Variants in AOC1 observed in about 807,000 individuals in gnomAD.
The protein encoded by AOC1 is amine oxidase copper containing 1.
Under a neutral mutation model 57.1 loss-of-function variants are expected in AOC1, and 58 were observed. That is an observed-to-expected ratio of 1.02 (90% CI 0.82 to 1.26). The LOEUF (loss-of-function observed/expected upper bound fraction) is 1.26. Ranked by LOEUF, AOC1 falls within the 50% of genes most tolerant of loss-of-function variation. The pLI, the probability that AOC1 is intolerant of heterozygous loss-of-function variation, is 0.00. For missense variants in AOC1, 917 were observed against 1,005.3 expected, an observed-to-expected ratio of 0.91 and a Z score of 1.19; for synonymous variants, 401 against 423.4, an observed-to-expected ratio of 0.95 and a Z score of 0.65.
chr7:150,859,300 C>T (rs761876227), intron 3 of AOC1, among the ~76,000 whole-genome samples: 12 of 152,118 alleles, frequency 7.9e-5, no homozygotes, highest in African/African-American at 1.9e-4. Context: ...TACTGTTAAC[C>T]GGAAGCCTTA....
In AOC1 at chr7:150,856,980, A is replaced by G; in HGVS notation, c.510A>G (p.Thr170=). 1 of 1,614,138 alleles carries G rather than the reference A, an allele frequency of 6.2e-7. No individual in the cohort carries two copies. The highest frequency in any genetic ancestry group is 8.5e-7 in the Non-Finnish European group (1 of 1,179,980). Residue 170 remains threonine, a synonymous_variant, in exon 2 of 5, where the codon ACA becomes ACG. Coordinates refer to ENST00000360937, the MANE Select transcript of AOC1 (RefSeq NM_001091.4). This position sits in a 1 kb window ranked among gnomAD's most constrained non-coding sequence, Gnocchi z 5.2. ...TGCATCAGTTCTTCCTCAATACCAC[A>G]GGCTTCTCATTCCAAGACTGCCATG... ...KPLHQFFLNT[T]GFSFQDCHDR... is the part of the protein sequence containing the mutation.
In AOC1 at chr7:150,852,773, G is replaced by C. The variant is rs535240678; in HGVS notation, c.-17+215G>C. Among the ~76,000 whole-genome samples the C allele has an allele frequency of 1.3e-5, 2 of 152,280 alleles. No homozygotes were observed. The highest frequency in any genetic ancestry group is 4.8e-5 in the African/African-American group (2 of 41,568). ...CAGGGTGGAGTGGGGAAAGCTCAGAGAGGAGGGTGAGCAGGGAGAGGGCTT... is the reference window on the plus strand; with the variant it reads ...CAGGGTGGAGTGGGGAAAGCTCAGACAGGAGGGTGAGCAGGGAGAGGGCTT... On this transcript the variant is annotated intron_variant, in intron 1 of 4. Transcript: ENST00000360937. This position sits in a 1 kb window ranked among gnomAD's most constrained non-coding sequence, Gnocchi z 4.6.
At position 150,857,344 on chromosome 7, in the gene AOC1, C is replaced by T; in HGVS notation, c.874C>T (p.Pro292Ser). 2 of 1,605,104 alleles carry T rather than the reference C, an allele frequency of 1.2e-6. No homozygotes were observed. Among genetic ancestry groups the T allele is most frequent in the Non-Finnish European group, 1.7e-6 (2 of 1,174,486 alleles). The stretch of plus-strand genomic sequence containing the variant: ...CTCCCACAAGCCCCGCGGGGACTTC[C>T]CCAGCCCCATCCATGTGAGCGGCCC... ...FSSHKPRGDF[P>S]SPIHVSGPRL... Residue 292 changes from proline (P) to serine (S), a missense_variant, in exon 2 of 5, where the codon CCC becomes TCC. By Grantham distance (74) the Pro-to-Ser change is moderately conservative (BLOSUM62 -1). Transcript: ENST00000360937. The surrounding 1 kb of genome is among the most constrained non-coding windows in gnomAD (Gnocchi z 6.6).
upstream of AOC1, chr7:150,852,253 A>G (rs1243888277): frequency 6.6e-6 from 1 of 152,236 alleles, no homozygotes; most frequent in Non-Finnish European, 1.5e-5. This position sits in a 1 kb window ranked among gnomAD's most constrained non-coding sequence, Gnocchi z 4.6. Flanking sequence ...TATGCCACCT[A>G]AATTAACAGA....
intron 3 of AOC1, among the ~76,000 whole-genome samples, chr7:150,859,476 G>C (rs1799900543): frequency 1.3e-5 from 2 of 152,092 alleles, no homozygotes; most frequent in Non-Finnish European, 2.9e-5. Context: ...AGCTGAGGCA[G>C]ACAGATCACG....
chr7:150,856,344 C>A lies in AOC1; in HGVS notation c.-16-111C>A. 1.5e-6 allele frequency: 2 copies of A among 1,355,210 alleles called. No individual in the cohort carries two copies. The highest frequency in any genetic ancestry group is 2.0e-6 in the Non-Finnish European group (2 of 1,016,224). The allele number at this position is 1,355,210 out of a possible 1,614,324, so 83.9% of individuals were successfully genotyped here. ...CCCCAGGACAGCCTCCAGCTTGGGG[C>A]AGGGCAAGGGGAGGAAGCTCAGTCC... On this transcript the variant is annotated intron_variant, in intron 1 of 4. Coordinates refer to ENST00000360937, the MANE Select transcript of AOC1 (RefSeq NM_001091.4). This position sits in a 1 kb window ranked among gnomAD's most constrained non-coding sequence, Gnocchi z 5.2.
chr7:150,858,458 A>G (rs1379270320), intron 2 of AOC1, among the ~76,000 whole-genome samples: 1 of 152,146 alleles, frequency 6.6e-6, no homozygotes, highest in African/African-American at 2.4e-5. Context: ...CCAGGACCAC[A>G]CGGGCGGCTC....
Position 150,856,829 on chromosome 7 carries a change from C to T in AOC1, c.359C>T (p.Pro120Leu). The change falls in exon 2 of 5, where the codon CCA becomes CTA. Residue 120 changes from proline to leucine, a missense_variant. By Grantham distance (98) the Pro-to-Leu change is moderately conservative. Coordinates refer to ENST00000360937, the MANE Select transcript of AOC1 (RefSeq NM_001091.4). This position sits in a 1 kb window ranked among gnomAD's most constrained non-coding sequence, Gnocchi z 5.2. ...NVTEFAVGPL[P>L]GPCYMRALSP... is the part of the protein sequence containing the mutation. ...ACCGAGTTTGCTGTGGGGCCCCTGCCAGGGCCCTGCTACATGCGAGCACTG... is the reference window on the plus strand; with the variant it reads ...ACCGAGTTTGCTGTGGGGCCCCTGCTAGGGCCCTGCTACATGCGAGCACTG... The T allele has an allele frequency of 6.2e-7, 1 of 1,614,060 alleles. No homozygotes were observed. The highest frequency in any genetic ancestry group is 1.1e-5 in the South Asian group (1 of 91,090).
At position 150,860,634 on chromosome 7, in the gene AOC1, G is replaced by T; in HGVS notation, c.1989+1G>T. 1 of 1,613,668 alleles carries T rather than the reference G, an allele frequency of 6.2e-7. No individual in the cohort carries two copies. Among genetic ancestry groups the T allele is most frequent in the East Asian group, 2.2e-5 (1 of 44,862 alleles). On this transcript the variant is annotated splice_donor_variant, in intron 4 of 4. Transcript: ENST00000360937. LOFTEE classifies it high-confidence loss of function. Reference sequence around the variant, plus strand: ...CAACAACGAGAACATTGAAAATGAGGTACTGCCCTGTCCCCAGCCCTGCCC... The same window carrying T: ...CAACAACGAGAACATTGAAAATGAGTTACTGCCCTGTCCCCAGCCCTGCCC...
In AOC1 at chr7:150,860,652, CCCTGCCCG is replaced by C; in HGVS notation, c.1989+20_1989+27del. 6.2e-7 allele frequency: 1 copy of C among 1,611,878 alleles called. No homozygotes were observed. Among genetic ancestry groups the C allele is most frequent in the African/African-American group, 1.3e-5 (1 of 74,980 alleles). On this transcript the variant is annotated intron_variant, in intron 4 of 4. Coordinates refer to ENST00000360937, the MANE Select transcript of AOC1 (RefSeq NM_001091.4). ...AAATGAGGTACTGCCCTGTCCCCAG[CCCTGCCCG>C]GTGCTGGCCCTGCCTCCTTCCAGCT...
intron 1 of AOC1, among the ~76,000 whole-genome samples, chr7:150,854,364 C>A (rs965130579): frequency 4.6e-5 from 7 of 152,198 alleles, no homozygotes; most frequent in African/African-American, 1.4e-4. Context: ...TTTACCGTGG[C>A]CTCCAGGGCT....
intron 2 of AOC1, 103 bp downstream of exon 2, chr7:150,858,143 G>T (rs1348618466): frequency 7.0e-6 from 10 of 1,418,612 alleles, no homozygotes. Context: ...GGAAAGTTAG[G>T]AGCATTTGCC....
At chr7:150,860,295 TTG>T in intron 3 of AOC1, 1 of 662,942 alleles carries the variant, frequency 1.5e-6, no homozygotes, top group South Asian at 2.0e-5. Flanking sequence ...CTCTGTGCAT[TTG>T]GGGAGGGGGG....
chr7:150,853,600 C>G (rs1041007099), intron 1 of AOC1, among the ~76,000 whole-genome samples: 5 of 149,116 alleles, frequency 3.4e-5, no homozygotes, highest in Admixed American at 1.3e-4. Context: ...GAGGCCAACG[C>G]AGGAGGATCA....
In AOC1 at chr7:150,856,286, C is replaced by T. The variant is rs1447274464; in HGVS notation, c.-16-169C>T. The stretch of plus-strand genomic sequence containing the variant: ...GATGGATGCACAGGCAGCGGCCCGA[C>T]GGCGCTGGGGACTATGCATGGGGCC... On this transcript the variant is annotated intron_variant, in intron 1 of 4. Transcript: ENST00000360937. This position sits in a 1 kb window ranked among gnomAD's most constrained non-coding sequence, Gnocchi z 5.2. 6.6e-6 allele frequency among the ~76,000 whole-genome samples: 1 copy of T among 152,158 alleles called. No homozygotes were observed. Among genetic ancestry groups the T allele is most frequent in the Non-Finnish European group, 1.5e-5 (1 of 68,016 alleles).
At position 150,854,587 on chromosome 7, in the gene AOC1, G is replaced by C. The variant is rs186616422; in HGVS notation, c.-16-1868G>C. ...GGATGTGACACTGGCCCAGAGTCGG[G>C]TGGGAAGGGACAATGTGCAGCTGAG... On this transcript the variant is annotated intron_variant, in intron 1 of 4. Coordinates refer to ENST00000360937, the MANE Select transcript of AOC1 (RefSeq NM_001091.4). Among the ~76,000 whole-genome samples the C allele has an allele frequency of 2.5e-3, 374 of 152,292 alleles. 2 individuals are homozygous for C. The highest frequency in any genetic ancestry group is 8.4e-3 in the African/African-American group (351 of 41,552).
chr7:150,861,313 G>A lies in AOC1; in HGVS notation c.*104G>A. ...TCGCTCTGTGTGCTGCTTCTTGCGG[G>A]GAGGCACAGGGCCATGTGTGTAGGA... On this transcript the variant is annotated 3_prime_UTR_variant, in exon 5 of 5. Transcript: ENST00000360937. The surrounding 1 kb of genome is among the most constrained non-coding windows in gnomAD (Gnocchi z 4.5). The A allele has an allele frequency of 7.6e-7, 1 of 1,322,268 alleles. No individual in the cohort carries two copies. The highest frequency in any genetic ancestry group is 2.8e-5 in the Admixed American group (1 of 35,180). The allele number at this position is 1,322,268 out of a possible 1,614,324, so 81.9% of individuals were successfully genotyped here. A position where few individuals can be genotyped will look rare whatever the true frequency, so the allele number is the denominator to read the frequency against.
rs571251831 is a variant in AOC1 at position 150,856,528 on chromosome 7, G to A, written c.58G>A (p.Glu20Lys). 1.9e-4 allele frequency: 313 copies of A among 1,614,088 alleles called. 3 individuals are homozygous for A. Among genetic ancestry groups the A allele is most frequent in the Admixed American group, 3.0e-4 (18 of 60,018 alleles). ...AILMLQTAMA[E>K]PSPGTLPRKA... ...CCTGATGCTGCAGACGGCCATGGCG[G>A]AGCCCTCCCCGGGGACTCTGCCCAG... The change falls in exon 2 of 5, where the codon GAG (glutamate) becomes AAG (lysine). Residue 20 changes from glutamate (E) to lysine (K), a missense_variant. Transcript: ENST00000360937. The surrounding 1 kb of genome is among the most constrained non-coding windows in gnomAD (Gnocchi z 5.2).
chr7:150,860,742 C>T, intron 4 of AOC1, 109 bp downstream of exon 4: 1 of 1,441,030 alleles, frequency 6.9e-7, no homozygotes, highest in Non-Finnish European at 9.5e-7. Context: ...TTGCCCAGAT[C>T]TGTCCCCAGT....
Sources: gnomAD v4.1 joint callset for allele counts (sites outside exome capture counted in the v4.1 genomes callset) on GRCh38, gnomAD v4.1.1 for gene constraint, Gnocchi (gnomAD v3.1) non-coding constraint, MANE v1.5 for transcripts, NCBI Gene and HGNC (gene_info 2026-07-23, HGNC 2026-07-21) for gene names.